The following CKAP5 variants were observed in gnomAD, a reference collection of about 807,000 sequenced individuals.
The protein encoded by CKAP5 is cytoskeleton-associated protein 5.
A neutral mutation model predicts 232.8 loss-of-function variants in CKAP5; 27 were observed. The observed-to-expected ratio is 0.12, with a 90% CI of 0.09 to 0.16. The LOEUF is 0.16. Ranked by LOEUF, CKAP5 falls within the 10% of genes least tolerant of loss-of-function variation. The pLI, the probability that CKAP5 is intolerant of heterozygous loss-of-function variation, is 1.00. For missense variants in CKAP5, 1,838 were observed against 2,424.7 expected, an observed-to-expected ratio of 0.76 and a Z score of 5.08; for synonymous variants, 785 against 841.1, an observed-to-expected ratio of 0.93 and a Z score of 1.16.
chr11:46,814,856 C>T (rs185584247), intron 4 of CKAP5, among the ~76,000 whole-genome samples: 1 of 152,306 alleles, frequency 6.6e-6, no homozygotes, highest in Non-Finnish European at 1.5e-5. Flanking sequence ...ACTAAAAAGG[C>T]ACCTAAATAA....
chr11:46,746,252 C>A (rs1181047354), intron 42 of CKAP5, among the ~76,000 whole-genome samples: 1 of 152,138 alleles, frequency 6.6e-6, no homozygotes, highest in Non-Finnish European at 1.5e-5. Context: ...TGGTTTAAGG[C>A]TCATGATAGC....
At chr11:46,802,027 A>G (rs758395441) in intron 8 of CKAP5, 1 of 152,224 alleles carries the variant, frequency 6.6e-6, no homozygotes, top group African/African-American at 2.4e-5. Flanking sequence ...ATAACCAAGA[A>G]GCACCAGTAC....
At chr11:46,822,263 A>AGTT (rs1939551504) in intron 1 of CKAP5, among the ~76,000 whole-genome samples, 1 of 152,164 alleles carries the variant, frequency 6.6e-6, no homozygotes, top group African/African-American at 2.4e-5. Context: ...CATGGGCAAC[A>AGTT]GAGCAAGACC....
In CKAP5 at chr11:46,829,837, TA is replaced by T. The variant is rs1565757043; in HGVS notation, c.-37-8570del. Among the ~76,000 whole-genome samples, 576 of 84,736 alleles carry T rather than the reference TA, an allele frequency of 6.8e-3. 1 individual carries two copies. Among genetic ancestry groups the T allele is most frequent in the Non-Finnish European group, 0.013 (458 of 35,716 alleles). 55.6% of individuals were successfully genotyped at this position (84,736 alleles called of 152,430 possible). On this transcript the variant is annotated intron_variant, in intron 1 of 43. Transcript: ENST00000529230. ...TATATGAAGTCTAATTCCTTTTTTG[TA>T]TGTGTGTGTGTGTGTGTGTGTGTGT...
chr11:46,822,528 C>A (rs549516826), intron 1 of CKAP5, among the ~76,000 whole-genome samples: 1 of 151,850 alleles, frequency 6.6e-6, no homozygotes, highest in Non-Finnish European at 1.5e-5. Context: ...CCGAGCCGGG[C>A]GGATCACGAG....
intron 28 of CKAP5, among the ~76,000 whole-genome samples, chr11:46,764,241 T>G (rs916771069): frequency 3.3e-5 from 5 of 152,168 alleles, no homozygotes; most frequent in African/African-American, 1.2e-4. Context: ...ATTTGAAATA[T>G]CTATCAAAAT....
At position 46,798,441 on chromosome 11, in the gene CKAP5, G is replaced by A. The variant is rs1592465443; in HGVS notation, c.1084-269C>T. Among the ~76,000 whole-genome samples the A allele has an allele frequency of 2.6e-5, 4 of 151,916 alleles. No individual in the cohort carries two copies. In the South Asian group the frequency reaches 8.3e-4, roughly 31 times the overall value. On this transcript the variant is annotated intron_variant, in intron 9 of 43. Coordinates refer to ENST00000529230, the MANE Select transcript of CKAP5 (RefSeq NM_001008938.4). ...ACAAACAAAAAAAAATTAGCCAGGT[G>A]TGGTGGTATGTGCCTATGATCCCAG...
At chr11:46,776,093 G>A (rs1388861183) in intron 24 of CKAP5, among the ~76,000 whole-genome samples, 162 bp downstream of exon 24, 1 of 152,112 alleles carries the variant, frequency 6.6e-6, no homozygotes, top group African/African-American at 2.4e-5. Context: ...AGGAAAAAAT[G>A]GAAGCACATG....
At chr11:46,765,533 C>T (rs2065195460) in intron 27 of CKAP5, among the ~76,000 whole-genome samples, 1 of 150,504 alleles carries the variant, frequency 6.6e-6, no homozygotes, top group East Asian at 2.0e-4. Context: ...GTCTAGGTCA[C>T]AAACTTTTTG....
In CKAP5 at chr11:46,760,666, G is replaced by A; in HGVS notation, c.4340C>T (p.Ser1447Phe). 6.2e-7 allele frequency: 1 copy of A among 1,614,190 alleles called. No individual in the cohort carries two copies. The highest frequency in any genetic ancestry group is 8.5e-7 in the Non-Finnish European group (1 of 1,180,036). ...TCCCTTGCGTAACATGTTGGCATTG[G>A]AGCTTATGTTCTGTGCACGCTGAGG... ...EKPQRAQNIS[S>F]NANMLRKGPA... is the part of the protein sequence containing the mutation. The change falls in exon 33 of 44, where the codon TCC (serine) becomes TTC (phenylalanine). Residue 1447 changes from serine (S) to phenylalanine (F), a missense_variant. Physicochemically the swap from Ser to Phe is radical, Grantham distance 155. This residue lies in a region of CKAP5 where 579 missense variants were observed against 843.2 expected (regional missense o/e 0.69). Transcript: ENST00000529230.
chr11:46,798,226 T>C, intron 9 of CKAP5, 54 bp from the exon 10 acceptor site: 23 of 1,188,274 alleles, frequency 1.9e-5, no homozygotes, highest in African/African-American at 3.0e-5. Flanking sequence ...AATGATATAT[T>C]GATATATCCT....
intron 38 of CKAP5, 119 bp from the exon 39 acceptor site, chr11:46,751,653 C>T: frequency 2.5e-6 from 2 of 804,504 alleles, no homozygotes; most frequent in African/African-American, 1.7e-5. Flanking sequence ...ATAAATGTGG[C>T]ACATCATATC....
chr11:46,767,808 T>C (rs1274877701), intron 26 of CKAP5, 145 bp from the exon 27 acceptor site: 1 of 522,876 alleles, frequency 1.9e-6, no homozygotes, highest in Non-Finnish European at 3.3e-6. Flanking sequence ...TTTTTTTTTA[T>C]GAGACAGGAT....
intron 5 of CKAP5, among the ~76,000 whole-genome samples, 188 bp downstream of exon 5, chr11:46,810,819 C>T (rs1939258218): frequency 1.3e-5 from 2 of 152,146 alleles, no homozygotes; most frequent in Admixed American, 1.3e-4. Context: ...AAAGAATGTA[C>T]TTCACACAGA....
chr11:46,768,240 G>A lies in CKAP5; in HGVS notation c.3323-577C>T, dbSNP rs182676566. Among the ~76,000 whole-genome samples the A allele has an allele frequency of 2.8e-3, 420 of 152,100 alleles. 2 individuals are homozygous for A. Among genetic ancestry groups the A allele is most frequent in the African/African-American group, 9.6e-3 (398 of 41,484 alleles). ...GACAGGGTTTCTGTCACACAGACTA[G>A]AGTGCAATAGCACGTTCAGGGCTCA... On this transcript the variant is annotated intron_variant, in intron 26 of 43. Coordinates refer to ENST00000529230, the MANE Select transcript of CKAP5 (RefSeq NM_001008938.4).
In CKAP5 at chr11:46,759,461, G is replaced by A. The variant is rs1368062986; in HGVS notation, c.4395-19C>T. On this transcript the variant is annotated intron_variant, in intron 33 of 43. Coordinates refer to ENST00000529230, the MANE Select transcript of CKAP5 (RefSeq NM_001008938.4). ...GGCTTGGCTAAGGGAAGCAAAAGGA[G>A]GCTCCTGAACTAAAAGAGACTTCTT... 6.2e-7 allele frequency: 1 copy of A among 1,606,650 alleles called. No individual in the cohort carries two copies. Among genetic ancestry groups the A allele is most frequent in the Non-Finnish European group, 8.5e-7 (1 of 1,177,218 alleles).
intron 35 of CKAP5, among the ~76,000 whole-genome samples, chr11:46,756,629 T>C (rs1286244181): frequency 1.3e-5 from 2 of 152,200 alleles, no homozygotes; most frequent in Non-Finnish European, 2.9e-5. Context: ...TCTAATGACC[T>C]CAATTATGTC....
intron 11 of CKAP5, 138 bp from the exon 12 acceptor site, chr11:46,797,078 C>A (rs1233066733): frequency 6.4e-6 from 6 of 935,376 alleles, no homozygotes; most frequent in Non-Finnish European, 9.5e-6. Flanking sequence ...TTCCTTGTGC[C>A]AATTGACAGT....
At chr11:46,758,640 G>T in intron 35 of CKAP5, 1 of 257,664 alleles carries the variant, frequency 3.9e-6, no homozygotes, top group South Asian at 7.4e-5. Flanking sequence ...GGGCTGCAAT[G>T]TGCTATGATA....
Sources: allele counts gnomAD v4.1 joint callset (sites outside exome capture counted in the v4.1 genomes callset), GRCh38; gene constraint gnomAD v4.1.1; regional missense constraint gnomAD v4.1.1; transcripts MANE v1.5; gene names NCBI Gene and HGNC (gene_info 2026-07-23, HGNC 2026-07-21).